AUTS2: variants seen among roughly 807,000 people sequenced by gnomAD.
AUTS2 encodes the protein autism susceptibility gene 2 protein.
In AUTS2, 17 loss-of-function variants were observed where a neutral mutation model predicts 112.4. That is an observed-to-expected ratio of 0.15 (90% CI 0.10 to 0.23). AUTS2 has a LOEUF of 0.23. Among genes scored for constraint, AUTS2 ranks in the 10% least tolerant of loss-of-function variants. The pLI is 1.00. For synonymous variants in AUTS2, 751 were observed against 702.7 expected (o/e 1.07, Z -1.09); for missense variants, 1,510 against 1,701.6 (o/e 0.89, Z 1.98).
At chr7:69,826,618 C>G (rs1031190554) in intron 1 of AUTS2, among the ~76,000 whole-genome samples, 2 of 152,166 alleles carry the variant, frequency 1.3e-5, no homozygotes, top group African/African-American at 4.8e-5. Context: ...GGAATATACA[C>G]TTGATGTAGT....
intron 1 of AUTS2, among the ~76,000 whole-genome samples, chr7:69,765,881 A>G (rs969279328): frequency 2.0e-5 from 3 of 152,172 alleles, no homozygotes; most frequent in Non-Finnish European, 4.4e-5. Context: ...CAGGAGGACA[A>G]GGCTGCAGTG....
chr7:70,085,692 G>T (rs1239803098), intron 2 of AUTS2, among the ~76,000 whole-genome samples: 1 of 152,054 alleles, frequency 6.6e-6, no homozygotes. Context: ...CTATACAGTT[G>T]TTCCAGCATC....
intron 2 of AUTS2, among the ~76,000 whole-genome samples, chr7:69,904,670 C>T (rs1449525399): frequency 2.0e-5 from 3 of 152,136 alleles, no homozygotes; most frequent in Non-Finnish European, 4.4e-5. Flanking sequence ...TTCAAGTTTA[C>T]CATGTTAATT....
intron 2 of AUTS2, among the ~76,000 whole-genome samples, chr7:70,007,257 G>C (rs1173212005): frequency 6.6e-6 from 1 of 152,064 alleles, no homozygotes; most frequent in East Asian, 1.9e-4. Context: ...TAGCCTTTCT[G>C]TCCCCCCCTA....
chr7:69,728,553 G>A (rs1786630250), intron 1 of AUTS2, among the ~76,000 whole-genome samples: 1 of 152,112 alleles, frequency 6.6e-6, no homozygotes, highest in Non-Finnish European at 1.5e-5. Context: ...CCAAGGGTAG[G>A]TAGTTCAGTC....
At chr7:70,249,784 G>A (rs912068010) in intron 4 of AUTS2, among the ~76,000 whole-genome samples, 2 of 151,442 alleles carry the variant, frequency 1.3e-5, no homozygotes, top group African/African-American at 4.9e-5. Flanking sequence ...TGATGATGCA[G>A]GTGCCCATAT....
intron 4 of AUTS2, among the ~76,000 whole-genome samples, chr7:70,378,229 T>A (rs1793207174): frequency 6.6e-6 from 1 of 152,208 alleles, no homozygotes; most frequent in South Asian, 2.1e-4. Context: ...TTCTCTATTG[T>A]GAATAATGCT....
chr7:70,773,889 G>T, intron 11 of AUTS2, 139 bp from the exon 12 acceptor site: 1 of 782,200 alleles, frequency 1.3e-6, no homozygotes, highest in South Asian at 1.7e-5. Flanking sequence ...TGTGGTCCCT[G>T]AGAAAAATGA....
chr7:70,698,013 C>T (rs1300460009), intron 5 of AUTS2, among the ~76,000 whole-genome samples: 1 of 152,088 alleles, frequency 6.6e-6, no homozygotes, highest in Non-Finnish European at 1.5e-5. Flanking sequence ...TGGGGCAGGC[C>T]GGCTTGCATC....
At chr7:69,970,469 A>C (rs1468076120) in intron 2 of AUTS2, among the ~76,000 whole-genome samples, 1 of 152,168 alleles carries the variant, frequency 6.6e-6, no homozygotes, top group Non-Finnish European at 1.5e-5. Flanking sequence ...TTCCTCTTAC[A>C]TCTCCTAGCA....
chr7:70,149,043 A>T (rs1426371343), intron 4 of AUTS2, among the ~76,000 whole-genome samples: 1 of 152,084 alleles, frequency 6.6e-6, no homozygotes, highest in Non-Finnish European at 1.5e-5. Context: ...ATTTTGGAAC[A>T]AAATAATACT....
In AUTS2 at chr7:70,277,926, TTGTG is replaced by T. The variant is rs35535865; in HGVS notation, c.660+143375_660+143378del. Reference sequence around the variant, plus strand: ...GTTAGATTTCATTTGCCTTGTGTATTTGTGTGTGTGTGTGTGTGTGTGTATGTAT... The same window carrying T: ...GTTAGATTTCATTTGCCTTGTGTATTTGTGTGTGTGTGTGTGTGTATGTAT... On this transcript the variant is annotated intron_variant, in intron 4 of 18. Transcript: ENST00000342771. 4.4e-3 allele frequency among the ~76,000 whole-genome samples: 574 copies of T among 129,158 alleles called. 3 individuals carry two copies. Among genetic ancestry groups the T allele is most frequent in the South Asian group, 0.01 (41 of 4,054 alleles). 84.7% of individuals were successfully genotyped at this position (129,158 alleles called of 152,430 possible). A position where few individuals can be genotyped will look rare whatever the true frequency, so the allele number is the denominator to read the frequency against.
intron 4 of AUTS2, among the ~76,000 whole-genome samples, chr7:70,261,880 G>C (rs1787184253): frequency 6.6e-6 from 1 of 152,100 alleles, no homozygotes. Context: ...TTGTTCTCTA[G>C]ATTCATGTCT....
chr7:69,638,477 C>G (rs966699839), intron 1 of AUTS2, among the ~76,000 whole-genome samples: 2 of 152,186 alleles, frequency 1.3e-5, no homozygotes, highest in Non-Finnish European at 2.9e-5. Context: ...TGATATGGTA[C>G]TTTGTATGAT....
chr7:70,585,802 G>A (rs1345026838), intron 5 of AUTS2, among the ~76,000 whole-genome samples: 2 of 152,004 alleles, frequency 1.3e-5, no homozygotes, highest in African/African-American at 4.8e-5. Context: ...GTTGTGGAAG[G>A]CTACATGTGG....
intron 2 of AUTS2, among the ~76,000 whole-genome samples, chr7:70,099,246 G>A (rs1804360207): frequency 6.6e-6 from 1 of 152,158 alleles, no homozygotes. Flanking sequence ...ACATGTTCTT[G>A]TGTATTTAAC....
intron 4 of AUTS2, among the ~76,000 whole-genome samples, chr7:70,176,750 G>T (rs1305048653): frequency 1.3e-5 from 2 of 152,040 alleles, no homozygotes; most frequent in Non-Finnish European, 2.9e-5. Context: ...CCTTAGAATG[G>T]TCCCCAAATA....
intron 2 of AUTS2, among the ~76,000 whole-genome samples, chr7:69,973,531 C>G (rs1343999542): frequency 1.3e-5 from 2 of 152,132 alleles, no homozygotes; most frequent in African/African-American, 4.8e-5. Context: ...AAAATGCATT[C>G]AGTCTTTTGC....
chr7:69,897,600 A>C (rs1027017037), intron 1 of AUTS2, among the ~76,000 whole-genome samples: 8 of 151,588 alleles, frequency 5.3e-5, no homozygotes, highest in South Asian at 2.1e-4. Flanking sequence ...AAAAAAAAAA[A>C]CAAAAAAAAT....
Sources: allele counts gnomAD v4.1 joint callset (sites outside exome capture counted in the v4.1 genomes callset), GRCh38; gene constraint gnomAD v4.1.1; transcripts MANE v1.5; gene names NCBI Gene and HGNC (gene_info 2026-07-23, HGNC 2026-07-21).